Variants in ZNF732 observed in about 807,000 individuals in gnomAD.
ZNF732 encodes the protein zinc finger protein 732.
In ZNF732, 12 loss-of-function variants were observed where a neutral mutation model predicts 11.5. The ratio of observed to expected loss-of-function variants is 1.05; its 90% CI spans 0.67 to 1.70. The LOEUF (loss-of-function observed/expected upper bound fraction) is 1.70. Among genes scored for constraint, ZNF732 ranks in the 40% most tolerant of loss-of-function variants. ZNF732 has a pLI of 0.00. For synonymous variants in ZNF732, 231 were observed against 236.5 expected (o/e 0.98, Z 0.21); for missense variants, 702 against 676.9 (o/e 1.04, Z -0.41).
chr4:287,371 C>T (rs574751837), intron 3 of ZNF732, among the ~76,000 whole-genome samples: 3 of 150,580 alleles, frequency 2.0e-5, no homozygotes, highest in East Asian at 4.1e-4. Context: ...TGTGCCATCA[C>T]GTCCAGCTAA....
At chr4:279,887 T>C (rs1719581660) in intron 3 of ZNF732, among the ~76,000 whole-genome samples, 1 of 152,160 alleles carries the variant, frequency 6.6e-6, no homozygotes, top group South Asian at 2.1e-4. Context: ...AAGAAAAATT[T>C]ATAAACCAGG....
intron 3 of ZNF732, among the ~76,000 whole-genome samples, chr4:290,933 A>T (rs1262975149): frequency 3.3e-5 from 5 of 152,214 alleles, no homozygotes; most frequent in Admixed American, 1.3e-4. Flanking sequence ...ACAAACTGTA[A>T]ATCATTGTTA....
At position 272,082 on chromosome 4, in the gene ZNF732, A is replaced by G. The variant is rs1719391196; in HGVS notation, c.775T>C (p.Phe259Leu). 6.2e-7 allele frequency: 1 copy of G among 1,611,832 alleles called. No individual in the cohort carries two copies. Among genetic ancestry groups the G allele is most frequent in the African/African-American group, 1.3e-5 (1 of 74,914 alleles). ...SYKYEECGKA[F>L]NRSSTLTKHK... is the part of the protein sequence containing the mutation. ...TTAGTAAGGGTTGAGGACCTATTAA[A>G]GGCTTTGCCACATTCTTCATATTTG... Residue 259 changes from phenylalanine (F) to leucine (L), a missense_variant, in exon 4 of 4, where the codon TTT (phenylalanine) becomes CTT (leucine). By Grantham distance (22) the Phe-to-Leu change is conservative. Coordinates refer to ENST00000419098, the MANE Select transcript of ZNF732 (RefSeq NM_001137608.3).
chr4:299,658 TTA>T (rs199992460), intron 1 of ZNF732, among the ~76,000 whole-genome samples: 1 of 141,824 alleles, frequency 7.1e-6, no homozygotes, highest in Non-Finnish European at 1.5e-5. Flanking sequence ...CATATGTAAA[TTA>T]TATATATAAT....
intron 1 of ZNF732, among the ~76,000 whole-genome samples, chr4:299,365 AT>A (rs1553843080): frequency 1.6e-4 from 17 of 105,484 alleles, no homozygotes; most frequent in Non-Finnish European, 3.2e-4. Context: ...ATATATACAC[AT>A]ATGTGTATAT....
chr4:300,229 G>A (rs28787332), intron 1 of ZNF732, among the ~76,000 whole-genome samples: 2,094 of 150,742 alleles, frequency 0.014, 58 homozygotes, highest in African/African-American at 0.049. Flanking sequence ...TTGGGAGGCC[G>A]AGGCAGAGGG....
chr4:301,485 T>C (rs1466752925), intron 1 of ZNF732, among the ~76,000 whole-genome samples: 2 of 152,148 alleles, frequency 1.3e-5, no homozygotes, highest in Non-Finnish European at 2.9e-5. Flanking sequence ...CCAACAATGA[T>C]AGACTAGATT....
At chr4:291,706 A>C (rs782544346) in intron 3 of ZNF732, among the ~76,000 whole-genome samples, 1 of 152,234 alleles carries the variant, frequency 6.6e-6, no homozygotes, top group Non-Finnish European at 1.5e-5. Flanking sequence ...TTTTCACAGT[A>C]ATAGTAAACA....
chr4:277,931 T>G (rs1553839018), intron 3 of ZNF732, among the ~76,000 whole-genome samples: 1 of 152,174 alleles, frequency 6.6e-6, no homozygotes, highest in African/African-American at 2.4e-5. Flanking sequence ...TACACTCCAA[T>G]GTTTATTAAA....
chr4:301,618 AC>A (rs1425973197), intron 1 of ZNF732, among the ~76,000 whole-genome samples: 1 of 152,232 alleles, frequency 6.6e-6, no homozygotes, highest in Non-Finnish European at 1.5e-5. Flanking sequence ...TATCACAAGG[AC>A]AAAAAACCAA....
At chr4:281,938 A>G (rs924330305) in intron 3 of ZNF732, among the ~76,000 whole-genome samples, 3 of 152,200 alleles carry the variant, frequency 2.0e-5, no homozygotes, top group South Asian at 2.1e-4. Flanking sequence ...AAAAGTACAC[A>G]TATTACTAAA....
At position 296,247 on chromosome 4, in the gene ZNF732, A is replaced by C. The variant is rs891711738; in HGVS notation, c.4-92T>G. 11 of 1,493,730 alleles carry C rather than the reference A, an allele frequency of 7.4e-6. No individual in the cohort carries two copies. In the East Asian group the frequency reaches 1.1e-4, roughly 16 times the overall value. The allele number at this position is 1,493,730 out of a possible 1,614,324, so 92.5% of individuals were successfully genotyped here. On this transcript the variant is annotated intron_variant, in intron 1 of 3. Transcript: ENST00000419098. ...ACTAGTTCTGACATGTGACTGACTG[A>C]GATTATCTGATAAAATAACTTTCAA...
intron 3 of ZNF732, among the ~76,000 whole-genome samples, chr4:288,046 A>G (rs1553840858): frequency 1.3e-5 from 2 of 152,204 alleles, no homozygotes; most frequent in African/African-American, 4.8e-5. Context: ...AATTTTCTCA[A>G]TAATTGTTAT....
chr4:281,459 G>A (rs1337108698), intron 3 of ZNF732, among the ~76,000 whole-genome samples: 4 of 152,208 alleles, frequency 2.6e-5, no homozygotes, highest in African/African-American at 9.6e-5. Context: ...GATTGTATCA[G>A]CACCTTAATC....
rs1442310109 is a variant in ZNF732, at chr4:304,552, C to A, written c.3+756G>T. On this transcript the variant is annotated intron_variant, in intron 1 of 3. Transcript: ENST00000419098. The stretch of plus-strand genomic sequence containing the variant: ...CAGCGAAGACCCCACAAGCTCAGCG[C>A]TCTTCCCGCAGCTGCCCCCCCCCTG... 1.7e-4 allele frequency among the ~76,000 whole-genome samples: 24 copies of A among 142,798 alleles called. No homozygotes were observed. The Admixed American group carries it at 1.7e-3, about 10-fold the overall frequency. The allele number at this position is 142,798 out of a possible 152,430, so 93.7% of individuals were successfully genotyped here. A position where few individuals can be genotyped will look rare whatever the true frequency, so the allele number is the denominator to read the frequency against.
intron 3 of ZNF732, among the ~76,000 whole-genome samples, chr4:288,354 T>C (rs933180398): frequency 1.3e-5 from 2 of 152,226 alleles, no homozygotes; most frequent in Non-Finnish European, 2.9e-5. Context: ...CTATATTTTC[T>C]TCTAAAAATT....
rs556912334 is a variant in ZNF732, at chr4:305,279, G to A, written c.3+29C>T. 1.9e-5 allele frequency: 31 copies of A among 1,603,774 alleles called. No homozygotes were observed. In the Admixed American group the frequency reaches 4.2e-4, roughly 22 times the overall value. On this transcript the variant is annotated intron_variant, in intron 1 of 3. Transcript: ENST00000419098. Reference sequence around the variant, plus strand: ...CGCCGGTTCGGATGAGGCCTCCCCAGCCTTGGGACGCCCTGCCCCCACACT... The same window carrying A: ...CGCCGGTTCGGATGAGGCCTCCCCAACCTTGGGACGCCCTGCCCCCACACT...
intron 1 of ZNF732, 141 bp downstream of exon 1, chr4:305,167 C>T: frequency 8.6e-7 from 1 of 1,156,488 alleles, no homozygotes; most frequent in Non-Finnish European, 1.2e-6. Flanking sequence ...GAACCCGGGT[C>T]CCTCACCGGA....
In ZNF732 at chr4:290,422, C is replaced by T. The variant is rs144929376; in HGVS notation, c.226+5016G>A. ...GAGACCTGCAGGAAGACACAGCCAG[C>T]AATGGCCCTGGAGGCAGGCCTGCAG... is the stretch of plus-strand genomic sequence containing the variant. On this transcript the variant is annotated intron_variant, in intron 3 of 3. Coordinates refer to ENST00000419098, the MANE Select transcript of ZNF732 (RefSeq NM_001137608.3). Among the ~76,000 whole-genome samples, 662 of 152,336 alleles carry T rather than the reference C, an allele frequency of 4.3e-3. 4 individuals are homozygous for T. Among genetic ancestry groups the T allele is most frequent in the African/African-American group, 0.015 (634 of 41,572 alleles).
Sources: allele counts gnomAD v4.1 joint callset (sites outside exome capture counted in the v4.1 genomes callset), GRCh38; gene constraint gnomAD v4.1.1; transcripts MANE v1.5; gene names NCBI Gene and HGNC (gene_info 2026-07-23, HGNC 2026-07-21).